The following ADCY3 variants were observed in gnomAD, a reference collection of about 807,000 sequenced individuals.
The protein encoded by ADCY3 is adenylate cyclase 3, also known as adenylate cyclase type 3.
In ADCY3, 70 loss-of-function variants were observed where a neutral mutation model predicts 119.4. The ratio of observed to expected loss-of-function variants is 0.59; its 90% CI spans 0.48 to 0.72. The LOEUF is 0.72. ADCY3 is among the 30% of genes least tolerant of loss of function. The pLI is 0.00. For missense variants in ADCY3, 1,238 were observed against 1,541.6 expected (o/e 0.80, Z 3.30); for synonymous variants, 672 against 621.4 (o/e 1.08, Z -1.21).
At chr2:24,825,123 G>A (rs1304477046) in intron 16 of ADCY3, among the ~76,000 whole-genome samples, 1 of 152,120 alleles carries the variant, frequency 6.6e-6, no homozygotes, top group Admixed American at 6.5e-5. Context: ...TCTCGTGGAG[G>A]TGGCAGCAGT....
chr2:24,828,899 A>G (rs978054031), intron 13 of ADCY3, among the ~76,000 whole-genome samples: 92 of 152,318 alleles, frequency 6.0e-4, no homozygotes, highest in Admixed American at 5.8e-3. Flanking sequence ...GGTTCCAGGC[A>G]TGTTGTGACA....
At chr2:24,826,189 C>A in intron 15 of ADCY3, 63 bp from the exon 16 acceptor site, 1 of 1,445,060 alleles carries the variant, frequency 6.9e-7, no homozygotes, top group South Asian at 1.2e-5. Context: ...GGGCCTGATT[C>A]CCTCCAACTA....
intron 3 of ADCY3, among the ~76,000 whole-genome samples, chr2:24,851,453 G>A (rs1672284163): frequency 6.6e-6 from 1 of 152,132 alleles, no homozygotes; most frequent in Admixed American, 6.5e-5. Context: ...GTGCAATATT[G>A]TCTCAAGTTT....
intron 2 of ADCY3, among the ~76,000 whole-genome samples, chr2:24,900,276 C>T (rs1489440517): frequency 7.1e-6 from 1 of 140,340 alleles, no homozygotes; most frequent in Middle Eastern, 3.4e-3. Flanking sequence ...ACCCAGGAGG[C>T]GAAGGTTGCA....
At chr2:24,846,578 ATTTTT>A (rs111318790) in intron 3 of ADCY3, among the ~76,000 whole-genome samples, 2 of 139,288 alleles carry the variant, frequency 1.4e-5, no homozygotes, top group African/African-American at 5.3e-5. Flanking sequence ...TTTGCTTTTG[ATTTTT>A]TTTTTTTTTT....
rs1375742289 is a variant in ADCY3, at chr2:24,842,858, C to A, written c.826-474G>T. ...CGAGGCGCCAGCGACACAAAACCAGCAAGAACGTCCACCTCAGAGAGCGGA... is the reference window on the plus strand; with the variant it reads ...CGAGGCGCCAGCGACACAAAACCAGAAAGAACGTCCACCTCAGAGAGCGGA... On this transcript the variant is annotated intron_variant, in intron 3 of 21. Transcript: ENST00000679454. This position sits in a 1 kb window ranked among gnomAD's most constrained non-coding sequence, Gnocchi z 4.9. Among the ~76,000 whole-genome samples, 1 of 152,254 alleles carries A rather than the reference C, an allele frequency of 6.6e-6. No individual in the cohort carries two copies. Among genetic ancestry groups the A allele is most frequent in the Non-Finnish European group, 1.5e-5 (1 of 68,050 alleles).
At position 24,819,729 on chromosome 2, in the gene ADCY3, C is replaced by G; in HGVS notation, c.*203G>C. 1.7e-6 allele frequency: 1 copy of G among 588,864 alleles called. No individual in the cohort carries two copies. Among genetic ancestry groups the G allele is most frequent in the East Asian group, 3.1e-5 (1 of 32,324 alleles). The allele number at this position is 588,864 out of a possible 1,614,324, so 36.5% of individuals were successfully genotyped here. Reference sequence around the variant, plus strand: ...CTGTTCAGCCCTATGCCTAAGACCCCTATGCTGGGGACACTACAGGCACAC... The same window carrying G: ...CTGTTCAGCCCTATGCCTAAGACCCGTATGCTGGGGACACTACAGGCACAC... On this transcript the variant is annotated 3_prime_UTR_variant, in exon 22 of 22. Coordinates refer to ENST00000679454, the MANE Select transcript of ADCY3 (RefSeq NM_004036.5).
chr2:24,823,273 C>G lies in ADCY3; in HGVS notation c.2819G>C (p.Ser940Thr). Residue 940 changes from serine (S) to threonine (T), a missense_variant, in exon 18 of 22, where the codon AGC becomes ACC. This residue lies in a region of ADCY3 where 37 missense variants were observed against 73.5 expected (regional missense o/e 0.50). Coordinates refer to ENST00000679454, the MANE Select transcript of ADCY3 (RefSeq NM_004036.5). ...ACACTCAATACCACCATTGTTGATG[C>G]TCTCCTCTGTGTAGAAGTCAGCAAA... ...PNFADFYTEE[S>T]INNGGIECLR... The G allele has an allele frequency of 6.2e-6, 10 of 1,613,616 alleles. No individual in the cohort carries two copies. Among genetic ancestry groups the G allele is most frequent in the Non-Finnish European group, 8.5e-6 (10 of 1,179,940 alleles).
chr2:24,831,954 GGC>G (rs1669609156), intron 11 of ADCY3, among the ~76,000 whole-genome samples: 1 of 117,542 alleles, frequency 8.5e-6, no homozygotes, highest in African/African-American at 3.2e-5. Flanking sequence ...AGCAGACAGG[GGC>G]AGGGGCCAGG....
chr2:24,856,258 A>G (rs1036880699), intron 3 of ADCY3, among the ~76,000 whole-genome samples: 4 of 152,164 alleles, frequency 2.6e-5, no homozygotes, highest in Non-Finnish European at 4.4e-5. Context: ...TACTGTCTAC[A>G]GTGTCTGCAT....
rs1458708819 is a variant in ADCY3, at chr2:24,834,328, A to G, written c.1967+157T>C. Among the ~76,000 whole-genome samples the G allele has an allele frequency of 6.6e-6, 1 of 151,964 alleles. No homozygotes were observed. The highest frequency in any genetic ancestry group is 6.6e-5 in the Admixed American group (1 of 15,260). On this transcript the variant is annotated intron_variant, in intron 11 of 21. Coordinates refer to ENST00000679454, the MANE Select transcript of ADCY3 (RefSeq NM_004036.5). This position sits in a 1 kb window ranked among gnomAD's most constrained non-coding sequence, Gnocchi z 4.2. ...AAGGATGCCCAGGGTGCCGTCTAGC[A>G]CTCCTGGGGCCTGTGGGGGCCGTCC... is the stretch of plus-strand genomic sequence containing the variant.
intron 8 of ADCY3, 124 bp from the exon 9 acceptor site, chr2:24,837,169 CT>C: frequency 8.6e-7 from 1 of 1,162,506 alleles, no homozygotes; most frequent in East Asian, 2.6e-5. Context: ...ACAGAACTTG[CT>C]TGTGGATTGC....
Position 24,820,682 on chromosome 2 carries a change from A to G in ADCY3, c.3252+42T>C, listed in dbSNP as rs1413537909. ...AAAGCACTGTTCCGGTTTTGTTCTC[A>G]TGCCGAGTCTGAGCACGTGCCAGCT... On this transcript the variant is annotated intron_variant, in intron 21 of 21. Transcript: ENST00000679454. 5.0e-6 allele frequency: 8 copies of G among 1,611,752 alleles called. No homozygotes were observed. In the Admixed American group the frequency reaches 5.0e-5, roughly 10 times the overall value.
intron 17 of ADCY3, among the ~76,000 whole-genome samples, chr2:24,824,033 C>G (rs1357414981): frequency 6.6e-6 from 1 of 152,218 alleles, no homozygotes; most frequent in South Asian, 2.1e-4. Flanking sequence ...TCTCTAGTTC[C>G]TCTAACAGCC....
At chr2:24,870,236 G>T (rs915410650) in intron 3 of ADCY3, among the ~76,000 whole-genome samples, 1 of 147,956 alleles carries the variant, frequency 6.8e-6, no homozygotes, top group Non-Finnish European at 1.5e-5. Flanking sequence ...CAGGAGAATC[G>T]CTTGAACCCG....
chr2:24,875,235 C>T (rs1338979620), intron 2 of ADCY3, among the ~76,000 whole-genome samples: 3 of 152,206 alleles, frequency 2.0e-5, no homozygotes, highest in African/African-American at 7.2e-5. Context: ...CTCAACTTGC[C>T]TCAACTGAGG....
intron 13 of ADCY3, among the ~76,000 whole-genome samples, chr2:24,829,856 G>T (rs1327021364): frequency 5.3e-5 from 8 of 151,476 alleles, no homozygotes; most frequent in Admixed American, 5.3e-4. Context: ...CTCCAGGCAT[G>T]TAGTGCTCAA....
At chr2:24,914,343 G>A (rs1356641615) in intron 2 of ADCY3, among the ~76,000 whole-genome samples, 2 of 152,176 alleles carry the variant, frequency 1.3e-5, no homozygotes, top group African/African-American at 4.8e-5. Context: ...AAAGTGATGG[G>A]TGACAGTGAA....
chr2:24,827,660 A>T, intron 14 of ADCY3, 52 bp from the exon 15 acceptor site: 1 of 1,547,606 alleles, frequency 6.5e-7, no homozygotes. Context: ...CAAGAGCCTG[A>T]TGCCCAGCCA....
Sources: gnomAD v4.1 joint callset for allele counts (sites outside exome capture counted in the v4.1 genomes callset) on GRCh38, gnomAD v4.1.1 for gene constraint, gnomAD v4.1.1 regional missense constraint, Gnocchi (gnomAD v3.1) non-coding constraint, MANE v1.5 for transcripts, NCBI Gene and HGNC (gene_info 2026-07-23, HGNC 2026-07-21) for gene names.